WDPCP: variants seen among roughly 807,000 people sequenced by gnomAD.
WDPCP encodes WD repeat containing planar cell polarity effector, also known as WD repeat-containing and planar cell polarity effector protein fritz homolog.
A neutral mutation model predicts 93.1 loss-of-function variants in WDPCP; 71 were observed. The ratio of observed to expected loss-of-function variants is 0.76; its 90% confidence interval spans 0.63 to 0.93. The LOEUF (loss-of-function observed/expected upper bound fraction) is 0.93. Ranked by LOEUF, WDPCP falls within the 40% of genes least tolerant of loss-of-function variation. The pLI is 0.00. For missense variants in WDPCP, 844 were observed against 887.4 expected (o/e 0.95, Z 0.62); for synonymous variants, 315 against 315.0 (o/e 1.00, Z 0.00).
At chr2:63,521,578 G>A (rs1702938240) in intron 1 of WDPCP, among the ~76,000 whole-genome samples, 2 of 151,920 alleles carry the variant, frequency 1.3e-5, no homozygotes, top group Non-Finnish European at 1.5e-5. Context: ...AATAATACTG[G>A]GAGACTTCAA....
At chr2:63,288,798 G>A (rs1684200287) in intron 13 of WDPCP, among the ~76,000 whole-genome samples, 1 of 152,016 alleles carries the variant, frequency 6.6e-6, no homozygotes, top group Non-Finnish European at 1.5e-5. Context: ...TAGTTGTAAT[G>A]CTTCTTTAGT....
At position 63,142,730 on chromosome 2, in the gene WDPCP, GTCTTAGGTCTAT is replaced by G. The variant is rs534366603; in HGVS notation, c.2190+10172_2190+10183del. Among the ~76,000 whole-genome samples, 169 of 150,912 alleles carry G rather than the reference GTCTTAGGTCTAT, an allele frequency of 1.1e-3. 1 individual carries two copies. Among genetic ancestry groups the G allele is most frequent in the Admixed American group, 3.4e-3 (52 of 15,170 alleles). On this transcript the variant is annotated intron_variant, in intron 17 of 17. Coordinates refer to ENST00000272321, the MANE Select transcript of WDPCP (RefSeq NM_015910.7). The stretch of plus-strand genomic sequence containing the variant: ...TAGTGCTGTCAGTGGAGTAGTGTAG[GTCTTAGGTCTAT>G]TCTTAGGTCTATTAGTAATTGTTTC...
intron 1 of WDPCP, among the ~76,000 whole-genome samples, chr2:63,569,474 C>T (rs1707317334): frequency 2.6e-5 from 4 of 151,608 alleles, no homozygotes. Flanking sequence ...ACTATGTCAC[C>T]AATGCAAAAA....
rs545449340 is a variant in WDPCP at position 63,145,955 on chromosome 2, T to C, written c.2190+6959A>G. On this transcript the variant is annotated intron_variant, in intron 17 of 17. Transcript: ENST00000272321. The stretch of plus-strand genomic sequence containing the variant: ...ATTAGCTGCATTCCTAGGTGTTTTA[T>C]TCTTTTTGTAACAATTGTGAATGGG... Among the ~76,000 whole-genome samples, 234 of 152,346 alleles carry C rather than the reference T, an allele frequency of 1.5e-3. 1 individual carries two copies. The highest frequency in any genetic ancestry group is 5.5e-3 in the African/African-American group (229 of 41,572).
At chr2:63,735,846 G>A (rs941738533) in intron 2 of WDPCP, among the ~76,000 whole-genome samples, 3 of 152,174 alleles carry the variant, frequency 2.0e-5, no homozygotes, top group Non-Finnish European at 4.4e-5. Context: ...TTGACTGACT[G>A]GTGACAATAT....
chr2:63,756,435 G>C (rs555915530), intron 2 of WDPCP, among the ~76,000 whole-genome samples: 1 of 152,100 alleles, frequency 6.6e-6, no homozygotes, highest in Non-Finnish European at 1.5e-5. Context: ...TCTTGTCAAT[G>C]ATTATGATCA....
intron 2 of WDPCP, among the ~76,000 whole-genome samples, chr2:63,712,936 T>C (rs1350832586): frequency 6.6e-6 from 1 of 152,198 alleles, no homozygotes; most frequent in Non-Finnish European, 1.5e-5. Flanking sequence ...TGAACTATTA[T>C]AGACACAGTG....
At chr2:63,503,788 A>G (rs1315037690) in intron 1 of WDPCP, among the ~76,000 whole-genome samples, 1 of 152,158 alleles carries the variant, frequency 6.6e-6, no homozygotes, top group African/African-American at 2.4e-5. Context: ...AATAAAGGCA[A>G]GAGAACACTG....
At chr2:63,617,075 A>G (rs1213141406) in intron 3 of WDPCP, among the ~76,000 whole-genome samples, 4 of 152,232 alleles carry the variant, frequency 2.6e-5, no homozygotes, top group African/African-American at 9.6e-5. Context: ...ACTTGTAATT[A>G]GCACCTCACC....
intron 12 of WDPCP, among the ~76,000 whole-genome samples, chr2:63,355,028 T>C (rs900782182): frequency 2.6e-5 from 4 of 152,152 alleles, no homozygotes; most frequent in Non-Finnish European, 5.9e-5. Context: ...TTTCAGGATA[T>C]GGTGCATGAA....
At chr2:63,486,474 G>T in intron 4 of WDPCP, 68 bp downstream of exon 4, 2 of 1,413,252 alleles carry the variant, frequency 1.4e-6, no homozygotes, top group Non-Finnish European at 9.7e-7. Context: ...CTTTGTTCCA[G>T]ATGAATATTT....
At chr2:63,295,375 C>T (rs1684763433) in intron 13 of WDPCP, among the ~76,000 whole-genome samples, 1 of 151,846 alleles carries the variant, frequency 6.6e-6, no homozygotes, top group Admixed American at 6.6e-5. Context: ...ACTGACTCAA[C>T]TATACGCTGT....
chr2:63,734,868 G>C (rs1228320188), intron 2 of WDPCP, among the ~76,000 whole-genome samples: 1 of 129,310 alleles, frequency 7.7e-6, no homozygotes, highest in Non-Finnish European at 1.6e-5. Context: ...GAGATAGATA[G>C]ATAGACAGAC....
At chr2:63,556,313 G>T (rs1228566418) in intron 1 of WDPCP, among the ~76,000 whole-genome samples, 1 of 152,132 alleles carries the variant, frequency 6.6e-6, no homozygotes, top group African/African-American at 2.4e-5. Context: ...AGAATGAAAA[G>T]GAACGAACAA....
chr2:63,455,445 C>G (rs1298003010), intron 6 of WDPCP, among the ~76,000 whole-genome samples: 1 of 150,248 alleles, frequency 6.7e-6, no homozygotes, highest in African/African-American at 2.4e-5. Context: ...TATATACACA[C>G]ACACACACAC....
intron 2 of WDPCP, among the ~76,000 whole-genome samples, chr2:63,492,636 C>G (rs763973377): frequency 5.3e-5 from 8 of 151,834 alleles, no homozygotes; most frequent in Non-Finnish European, 1.2e-4. Flanking sequence ...AATATTAAGC[C>G]AATAAGATTA....
chr2:63,402,747 GAAT>G, intron 10 of WDPCP, among the ~76,000 whole-genome samples: 1 of 152,068 alleles, frequency 6.6e-6, no homozygotes, highest in Non-Finnish European at 1.5e-5. Context: ...GGTCCACAAA[GAAT>G]GGCTATTATT....
At chr2:63,528,790 T>C (rs1024123041) in intron 1 of WDPCP, among the ~76,000 whole-genome samples, 2 of 152,238 alleles carry the variant, frequency 1.3e-5, no homozygotes, top group African/African-American at 4.8e-5. Flanking sequence ...ATTGAATCTA[T>C]AAATTACCTT....
At chr2:63,686,808 C>T (rs546604345) in intron 2 of WDPCP, among the ~76,000 whole-genome samples, 1 of 152,088 alleles carries the variant, frequency 6.6e-6, no homozygotes, top group South Asian at 2.1e-4. Flanking sequence ...TTGCCAAGAA[C>T]ATACAGTCTC....
Sources: gnomAD v4.1 joint callset for allele counts (sites outside exome capture counted in the v4.1 genomes callset) on GRCh38, gnomAD v4.1.1 for gene constraint, MANE v1.5 for transcripts, NCBI Gene and HGNC (gene_info 2026-07-23, HGNC 2026-07-21) for gene names.